LHX4: variants seen among roughly 807,000 people sequenced by gnomAD.
LHX4 encodes the protein LIM homeobox 4, also known as LIM/homeobox protein Lhx4.
Under a neutral mutation model 39.2 loss-of-function variants are expected in LHX4, and 16 were observed. The observed-to-expected ratio is 0.41, with a 90% CI of 0.28 to 0.62. LHX4 has a LOEUF of 0.62. Among genes scored for constraint, LHX4 ranks in the 20% least tolerant of loss-of-function variants. The pLI is 0.33. For synonymous variants in LHX4, 206 were observed against 198.1 expected (o/e 1.04, Z -0.33); for missense variants, 439 against 511.9 (o/e 0.86, Z 1.37).
intron 1 of LHX4, among the ~76,000 whole-genome samples, chr1:180,245,124 G>A (rs1647337427): frequency 1.3e-5 from 2 of 152,216 alleles, no homozygotes; most frequent in Admixed American, 1.3e-4. Context: ...GCAAGAGGAG[G>A]CCTGGGCAGT....
In LHX4 at chr1:180,277,989, T is replaced by A. The variant is rs1649141127; in HGVS notation, c.*3410T>A. 6.6e-6 allele frequency: 1 copy of A among 152,066 alleles called. No individual in the cohort carries two copies. Among genetic ancestry groups the A allele is most frequent in the Non-Finnish European group, 1.5e-5 (1 of 68,020 alleles). 9.4% of individuals were successfully genotyped at this position (152,066 alleles called of 1,614,324 possible). On this transcript the variant is annotated 3_prime_UTR_variant, in exon 6 of 6. Transcript: ENST00000263726. Reference sequence around the variant, plus strand: ...AAGAAATCTGTAAAACAAAAGACATTCCTATCTCAGAAGCTCAAACTGGTG... The same window carrying A: ...AAGAAATCTGTAAAACAAAAGACATACCTATCTCAGAAGCTCAAACTGGTG...
intron 1 of LHX4, among the ~76,000 whole-genome samples, chr1:180,237,483 G>A (rs1213079584): frequency 6.6e-6 from 1 of 152,146 alleles, no homozygotes; most frequent in Non-Finnish European, 1.5e-5. Context: ...TGCTTTTGGG[G>A]GTAGGTGGAC....
At position 180,230,535 on chromosome 1, in the gene LHX4, G is replaced by T; in HGVS notation, c.6G>T (p.Met2Ile). M[M>I]QSATVPAEGA... The stretch of plus-strand genomic sequence containing the variant: ...TCGCTGGCTTTCGCTCCGAGATGAT[G>T]CAGAGTGCGACTGTCCCCGCGGAAG... Residue 2 changes from methionine to isoleucine, a missense_variant, in exon 1 of 6, where the codon ATG (methionine) becomes ATT (isoleucine). Coordinates refer to ENST00000263726, the MANE Select transcript of LHX4 (RefSeq NM_033343.4). The surrounding 1 kb of genome is among the most constrained non-coding windows in gnomAD (Gnocchi z 5.8). The T allele has an allele frequency of 6.2e-7, 1 of 1,613,724 alleles. No individual in the cohort carries two copies.
At chr1:180,247,413 C>T (rs527361910) in intron 1 of LHX4, among the ~76,000 whole-genome samples, 17 of 152,262 alleles carry the variant, frequency 1.1e-4, no homozygotes, top group African/African-American at 4.1e-4. Flanking sequence ...AACTCTCAGC[C>T]CCCAGAATTT....
In LHX4 at chr1:180,234,177, ATAT is replaced by A. The variant is rs1388398348; in HGVS notation, c.76+3573_76+3575del. ...CACACAACACACACAAATTATATATATATATATATATATATATATATATATATA... is the reference window on the plus strand; with the variant it reads ...CACACAACACACACAAATTATATATAATATATATATATATATATATATATA... On this transcript the variant is annotated intron_variant, in intron 1 of 5. Transcript: ENST00000263726. This position sits in a 1 kb window ranked among gnomAD's most constrained non-coding sequence, Gnocchi z 4.8. Among the ~76,000 whole-genome samples, 2 of 22,782 alleles carry A rather than the reference ATAT, an allele frequency of 8.8e-5. No individual in the cohort carries two copies. The highest frequency in any genetic ancestry group is 1.8e-4 in the Non-Finnish European group (2 of 11,098). 14.9% of individuals were successfully genotyped at this position (22,782 alleles called of 152,430 possible). A position where few individuals can be genotyped will look rare whatever the true frequency, so the allele number is the denominator to read the frequency against.
Position 180,277,772 on chromosome 1 carries a change from A to G in LHX4, c.*3193A>G, listed in dbSNP as rs1649122135. On this transcript the variant is annotated 3_prime_UTR_variant, in exon 6 of 6. Coordinates refer to ENST00000263726, the MANE Select transcript of LHX4 (RefSeq NM_033343.4). ...ATATAACGTAAAATAAAGATCAACT[A>G]TCATTGATAACACTGTTCCTGCAAA... 6.6e-6 allele frequency: 1 copy of G among 152,100 alleles called. No individual in the cohort carries two copies. Among genetic ancestry groups the G allele is most frequent in the South Asian group, 2.1e-4 (1 of 4,820 alleles). The allele number at this position is 152,100 out of a possible 1,614,324, so 9.4% of individuals were successfully genotyped here. A position where few individuals can be genotyped will look rare whatever the true frequency, so the allele number is the denominator to read the frequency against.
In LHX4 at chr1:180,278,268, G is replaced by A. The variant is rs1297763772; in HGVS notation, c.*3689G>A. On this transcript the variant is annotated 3_prime_UTR_variant, in exon 6 of 6. Transcript: ENST00000263726. ...GAAAAATTCAATTAAGCGGAAATGA[G>A]TTTTGTTTTATTGCCTGCTGCTGAA... 1 of 152,224 alleles carries A rather than the reference G, an allele frequency of 6.6e-6. No individual in the cohort carries two copies. Among genetic ancestry groups the A allele is most frequent in the South Asian group, 2.1e-4 (1 of 4,838 alleles). 9.4% of individuals were successfully genotyped at this position (152,224 alleles called of 1,614,324 possible). A position where few individuals can be genotyped will look rare whatever the true frequency, so the allele number is the denominator to read the frequency against.
chr1:180,255,325 TACAC>T (rs972196890), intron 2 of LHX4, among the ~76,000 whole-genome samples: 1 of 152,154 alleles, frequency 6.6e-6, no homozygotes, highest in Non-Finnish European at 1.5e-5. Flanking sequence ...TGATCGTGCG[TACAC>T]ACACACATGC....
intron 3 of LHX4, chr1:180,270,444 T>C (rs1648576763): frequency 6.6e-6 from 1 of 152,226 alleles, no homozygotes; most frequent in Non-Finnish European, 1.5e-5. Flanking sequence ...AAGGGCAGTA[T>C]GCCTAAGTGC....
Position 180,271,903 on chromosome 1 carries a change from G to T in LHX4, c.675G>T (p.Gly225=), listed in dbSNP as rs1029310450. The T allele has an allele frequency of 1.9e-6, 3 of 1,613,534 alleles. No individual in the cohort carries two copies. Among genetic ancestry groups the T allele is most frequent in the African/African-American group, 1.3e-5 (1 of 74,740 alleles). The part of the protein sequence containing the change: ...LKKDAGRHRW[G]QFYKSVKRSR... ...AGGATGCAGGGCGGCACCGCTGGGGGCAGTTCTATAAGAGCGTCAAGAGGA... is the reference window on the plus strand; with the variant it reads ...AGGATGCAGGGCGGCACCGCTGGGGTCAGTTCTATAAGAGCGTCAAGAGGA... The change falls in exon 5 of 6, where the codon GGG becomes GGT. Residue 225 remains glycine, a synonymous_variant. Transcript: ENST00000263726.
intron 2 of LHX4, among the ~76,000 whole-genome samples, chr1:180,263,152 T>G (rs1209770797): frequency 6.6e-6 from 1 of 152,188 alleles, no homozygotes; most frequent in East Asian, 1.9e-4. Context: ...CTTTCCCTCT[T>G]TACCCCAGCG....
chr1:180,235,638 G>T (rs892783887), intron 1 of LHX4, among the ~76,000 whole-genome samples: 1 of 152,334 alleles, frequency 6.6e-6, no homozygotes, highest in East Asian at 1.9e-4. Context: ...ACTCGGTTCC[G>T]CAGCTTAGTG....
rs752455651 is a variant in LHX4, at chr1:180,248,402, C to T, written c.194C>T (p.Ala65Val). The T allele has an allele frequency of 1.6e-5, 26 of 1,614,116 alleles. No individual in the cohort carries two copies. Among genetic ancestry groups the T allele is most frequent in the Middle Eastern group, 1.6e-4 (1 of 6,078 alleles). Residue 65 changes from alanine to valine, a missense_variant, in exon 2 of 6, where the codon GCG becomes GTG. Physicochemically the swap from Ala to Val is moderately conservative, Grantham distance 64. Coordinates refer to ENST00000263726, the MANE Select transcript of LHX4 (RefSeq NM_033343.4). ...LKCADCQMQL[A>V]DRCFSRAGSV... ...TGTGCAGACTGCCAGATGCAGCTGGCGGACAGGTGCTTCTCCAGGGCTGGG... is the reference window on the plus strand; with the variant it reads ...TGTGCAGACTGCCAGATGCAGCTGGTGGACAGGTGCTTCTCCAGGGCTGGG...
chr1:180,257,425 G>A (rs1010988606), intron 2 of LHX4, among the ~76,000 whole-genome samples: 2 of 152,220 alleles, frequency 1.3e-5, no homozygotes, highest in African/African-American at 4.8e-5. Context: ...ATGTGACATG[G>A]GGGCTGTGTC....
At position 180,266,281 on chromosome 1, in the gene LHX4, G is replaced by C; in HGVS notation, c.249-111G>C. On this transcript the variant is annotated intron_variant, in intron 2 of 5. Coordinates refer to ENST00000263726, the MANE Select transcript of LHX4 (RefSeq NM_033343.4). This position sits in a 1 kb window ranked among gnomAD's most constrained non-coding sequence, Gnocchi z 5.7. ...AAGCTCTGGGTGACTGGGGGGTGAG[G>C]CTCATGGAGTCCCGGAGTGGTGGGG... 1 of 1,006,926 alleles carries C rather than the reference G, an allele frequency of 9.9e-7. No individual in the cohort carries two copies. Among genetic ancestry groups the C allele is most frequent in the South Asian group, 1.3e-5 (1 of 76,926 alleles). 62.4% of individuals were successfully genotyped at this position (1,006,926 alleles called of 1,614,324 possible).
chr1:180,266,509 G>A lies in LHX4; in HGVS notation c.366G>A (p.Arg122=). The part of the protein sequence containing the change: ...LHCFACIICN[R]QLATGDEFYL... ...GCTTTGCTTGCATCATCTGCAACCGGCAGCTGGCCACGGGGGACGAATTCT... is the reference window on the plus strand; with the variant it reads ...GCTTTGCTTGCATCATCTGCAACCGACAGCTGGCCACGGGGGACGAATTCT... The change falls in exon 3 of 6, where the codon CGG becomes CGA. Residue 122 remains arginine, a synonymous_variant. Transcript: ENST00000263726. The surrounding 1 kb of genome is among the most constrained non-coding windows in gnomAD (Gnocchi z 5.7). The A allele has an allele frequency of 6.2e-7, 1 of 1,614,240 alleles. No individual in the cohort carries two copies. Among genetic ancestry groups the A allele is most frequent in the Non-Finnish European group, 8.5e-7 (1 of 1,180,050 alleles).
In LHX4 at chr1:180,230,683, C is replaced by A; in HGVS notation, c.76+78C>A. 7.1e-7 allele frequency: 1 copy of A among 1,414,164 alleles called. No homozygotes were observed. Among genetic ancestry groups the A allele is most frequent in the Non-Finnish European group, 9.9e-7 (1 of 1,008,632 alleles). The allele number at this position is 1,414,164 out of a possible 1,614,324, so 87.6% of individuals were successfully genotyped here. A position where few individuals can be genotyped will look rare whatever the true frequency, so the allele number is the denominator to read the frequency against. ...CTCAGCCGCTGCGGGGCGGGCCGGA[C>A]GCCGCTCAGGGGCCGGGAGGGGCTG... On this transcript the variant is annotated intron_variant, in intron 1 of 5. Transcript: ENST00000263726. This position sits in a 1 kb window ranked among gnomAD's most constrained non-coding sequence, Gnocchi z 5.8.
intron 1 of LHX4, among the ~76,000 whole-genome samples, chr1:180,243,887 T>TA (rs1376803982): frequency 6.6e-6 from 1 of 152,090 alleles, no homozygotes. Context: ...ATTTCCTATC[T>TA]AAAAAAATGA....
At chr1:180,258,882 A>G (rs1346837948) in intron 2 of LHX4, among the ~76,000 whole-genome samples, 1 of 152,052 alleles carries the variant, frequency 6.6e-6, no homozygotes, top group Non-Finnish European at 1.5e-5. Flanking sequence ...TTGCTGACAG[A>G]TCAGATGGGG....
Sources: gnomAD v4.1 joint callset for allele counts (sites outside exome capture counted in the v4.1 genomes callset) on GRCh38, gnomAD v4.1.1 for gene constraint, Gnocchi (gnomAD v3.1) non-coding constraint, MANE v1.5 for transcripts, NCBI Gene and HGNC (gene_info 2026-07-23, HGNC 2026-07-21) for gene names.